TBC1D5: variants seen among roughly 807,000 people sequenced by gnomAD.
The protein encoded by TBC1D5 is TBC1 domain family member 5.
In TBC1D5, 75 loss-of-function variants were observed where a neutral mutation model predicts 100.3. The observed-to-expected ratio is 0.75, with a 90% confidence interval of 0.62 to 0.91. The LOEUF (loss-of-function observed/expected upper bound fraction) is 0.91, where lower values mean the gene tolerates loss of function less well. TBC1D5 is among the 40% of genes least tolerant of loss of function. TBC1D5 has a pLI of 0.00. For synonymous variants in TBC1D5, 323 were observed against 325.6 expected (o/e 0.99, Z 0.09); for missense variants, 910 against 942.4 (o/e 0.97, Z 0.45).
At chr3:17,191,018 G>A (rs1433302384) in intron 18 of TBC1D5, among the ~76,000 whole-genome samples, 1 of 152,200 alleles carries the variant, frequency 6.6e-6, no homozygotes, top group African/African-American at 2.4e-5. Flanking sequence ...TACACGGTGT[G>A]AATGAAATCC....
chr3:17,193,730 CTA>C (rs1304963989), intron 18 of TBC1D5, among the ~76,000 whole-genome samples: 1 of 152,176 alleles, frequency 6.6e-6, no homozygotes, highest in East Asian at 1.9e-4. Context: ...ACCACAGACT[CTA>C]TTTCCCTCAG....
chr3:17,308,193 A>AT, intron 13 of TBC1D5, 59 bp from the exon 14 acceptor site: 1 of 1,467,672 alleles, frequency 6.8e-7, no homozygotes, highest in Non-Finnish European at 9.0e-7. Context: ...AAGAGTGATC[A>AT]TTTTCTCAAG....
intron 8 of TBC1D5, among the ~76,000 whole-genome samples, chr3:17,390,738 T>G (rs116233045): frequency 0.02 from 3,095 of 152,226 alleles, 92 homozygotes; most frequent in African/African-American, 0.07. Context: ...AATATCTTAC[T>G]GTGGTTTATT....
In TBC1D5 at chr3:17,374,496, G is replaced by T; in HGVS notation, c.797C>A (p.Ser266Ter). 2 of 1,611,866 alleles carry T rather than the reference G, an allele frequency of 1.2e-6. No homozygotes were observed. The highest frequency in any genetic ancestry group is 1.1e-5 in the South Asian group (1 of 90,898). ...CTTCTGACCATCATGCTCAAAAGTT[G>T]AAAACCAAGGTTCAGCAGTTTCCAT... Residue 266 changes from serine (S) to a stop codon, truncating the protein, a stop_gained, in exon 12 of 22, where the codon TCA becomes TAA. Transcript: ENST00000253692. LOFTEE classifies it high-confidence loss of function.
intron 2 of TBC1D5, among the ~76,000 whole-genome samples, chr3:17,616,429 G>C (rs2062156480): frequency 6.6e-6 from 1 of 151,898 alleles, no homozygotes; most frequent in Non-Finnish European, 1.5e-5. Context: ...CTGAGTTCTA[G>C]TCCTGGATAT....
Position 17,484,455 on chromosome 3 carries a change from G to GGTGTGTGTGTGTGTGTGTGTGTGTGTGT in TBC1D5, c.97+23991_97+24018dup, listed in dbSNP as rs34847216. 9.5e-4 allele frequency among the ~76,000 whole-genome samples: 106 copies of GGTGTGTGTGTGTGTGTGTGTGTGTGTGT among 111,534 alleles called. 4 individuals are homozygous for GGTGTGTGTGTGTGTGTGTGTGTGTGTGT. The highest frequency in any genetic ancestry group is 3.6e-3 in the African/African-American group (89 of 24,988). 73.2% of individuals were successfully genotyped at this position (111,534 alleles called of 152,430 possible). A position where few individuals can be genotyped will look rare whatever the true frequency, so the allele number is the denominator to read the frequency against. ...TTTAAAGATAATAAGGTAACACCAG[G>GGTGTGTGTGTGTGTGTGTGTGTGTGTGT]GTGTGTGTGTGTGTGTGTGTGTGTG... On this transcript the variant is annotated intron_variant, in intron 3 of 21. Transcript: ENST00000253692.
intron 15 of TBC1D5, among the ~76,000 whole-genome samples, chr3:17,260,716 C>T (rs1326148004): frequency 2.6e-5 from 4 of 152,000 alleles, no homozygotes; most frequent in Non-Finnish European, 5.9e-5. Flanking sequence ...CCAGCACTGT[C>T]CAACAGTGGG....
chr3:17,168,575 CTG>C (rs10538628), intron 19 of TBC1D5, among the ~76,000 whole-genome samples: 1,552 of 152,298 alleles, frequency 0.01, 26 homozygotes, highest in African/African-American at 0.034. Flanking sequence ...CTATCAGGAA[CTG>C]TGGCGTTCTG....
chr3:17,563,949 A>T (rs1381229603), intron 2 of TBC1D5, among the ~76,000 whole-genome samples: 1 of 151,956 alleles, frequency 6.6e-6, no homozygotes, highest in Non-Finnish European at 1.5e-5. Flanking sequence ...TGCCTGGCTA[A>T]TTTTTTGTAT....
chr3:17,609,664 T>A (rs2061545625), intron 2 of TBC1D5, among the ~76,000 whole-genome samples: 2 of 152,182 alleles, frequency 1.3e-5, no homozygotes, highest in Admixed American at 6.6e-5. Flanking sequence ...TATCATCCTC[T>A]GAGGAAGTTT....
intron 13 of TBC1D5, among the ~76,000 whole-genome samples, chr3:17,369,189 TAAGTTTGCAGG>T (rs1048413822): frequency 6.6e-6 from 1 of 151,986 alleles, no homozygotes; most frequent in African/African-American, 2.4e-5. Flanking sequence ...ACGGCTATTA[TAAGTTTGCAGG>T]TAAGAGAAGC....
chr3:17,321,012 T>G (rs2085336668), intron 13 of TBC1D5, among the ~76,000 whole-genome samples: 1 of 152,214 alleles, frequency 6.6e-6, no homozygotes, highest in South Asian at 2.1e-4. Flanking sequence ...TATACTTAAA[T>G]GTATATGTTT....
chr3:17,374,623 ACT>A lies in TBC1D5; in HGVS notation c.752+4_752+5del. On this transcript the variant is annotated splice_donor_5th_base_variant and intron_variant, in intron 11 of 21. Transcript: ENST00000253692. Reference sequence around the variant, plus strand: ...AAAATAAAACAAAGAAAGTTTTTGTACTTACTAGGCATCATGTTCCAGATACT... The same window carrying A: ...AAAATAAAACAAAGAAAGTTTTTGTATACTAGGCATCATGTTCCAGATACT... 6.2e-7 allele frequency: 1 copy of A among 1,611,242 alleles called. No individual in the cohort carries two copies. Among genetic ancestry groups the A allele is most frequent in the Non-Finnish European group, 8.5e-7 (1 of 1,179,152 alleles).
At chr3:17,566,149 T>C (rs1222701632) in intron 2 of TBC1D5, among the ~76,000 whole-genome samples, 1 of 152,012 alleles carries the variant, frequency 6.6e-6, no homozygotes, top group Non-Finnish European at 1.5e-5. Context: ...TAGATAAGCT[T>C]AAGTGCTTAA....
intron 15 of TBC1D5, among the ~76,000 whole-genome samples, chr3:17,275,232 T>C (rs1423640134): frequency 6.6e-6 from 1 of 152,164 alleles, no homozygotes; most frequent in Non-Finnish European, 1.5e-5. Flanking sequence ...AGAAAAGGTA[T>C]ACAAAGCCTT....
At chr3:17,617,746 T>C (rs2062298650) in intron 2 of TBC1D5, among the ~76,000 whole-genome samples, 1 of 152,218 alleles carries the variant, frequency 6.6e-6, no homozygotes, top group Non-Finnish European at 1.5e-5. Context: ...TTCAGCTCCA[T>C]CAGGTCATTT....
At chr3:17,730,823 TTAAAG>T (rs1468395050) in intron 1 of TBC1D5, among the ~76,000 whole-genome samples, 1 of 152,042 alleles carries the variant, frequency 6.6e-6, no homozygotes, top group Non-Finnish European at 1.5e-5. Flanking sequence ...ACCAGAAGTA[TTAAAG>T]TAAAGATGTT....
chr3:17,591,247 AAAAAAAAAAAAAAAAAAAACAAAAAC>A (rs2096767700), intron 2 of TBC1D5, among the ~76,000 whole-genome samples: 1 of 132,734 alleles, frequency 7.5e-6, no homozygotes, highest in East Asian at 2.0e-4. Context: ...AAAAAAAAAA[AAAAAAAAAAAAAAAAAAAACAAAAAC>A]CCCAGAGAAT....
exon 22 of TBC1D5, chr3:17,160,964 C>T: frequency 6.2e-7 from 1 of 1,612,446 alleles, no homozygotes; most frequent in South Asian, 1.1e-5. Context: ...GCACTGTGGT[C>T]AGATGTCCAG....
Sources: gnomAD v4.1 joint callset for allele counts (sites outside exome capture counted in the v4.1 genomes callset) on GRCh38, gnomAD v4.1.1 for gene constraint, MANE v1.5 for transcripts, NCBI Gene and HGNC (gene_info 2026-07-23, HGNC 2026-07-21) for gene names.